The following EYA4 variants were observed in gnomAD, a reference collection of about 807,000 sequenced individuals.
EYA4 encodes protein phosphatase EYA4.
EYA4 carries 31 observed loss-of-function variants against 87.9 expected under a neutral mutation model. The ratio of observed to expected loss-of-function variants is 0.35; its 90% confidence interval spans 0.27 to 0.48. The LOEUF (loss-of-function observed/expected upper bound fraction) is 0.48, where lower values mean the gene tolerates loss of function less well. Among genes scored for constraint, EYA4 ranks in the 20% least tolerant of loss-of-function variants. The pLI, the probability that EYA4 is intolerant of heterozygous loss-of-function variation, is 0.99. For synonymous variants in EYA4, 263 were observed against 270.6 expected, an observed-to-expected ratio of 0.97 and a Z score of 0.28; for missense variants, 678 against 761.4, an observed-to-expected ratio of 0.89 and a Z score of 1.29.
intron 1 of EYA4, among the ~76,000 whole-genome samples, chr6:133,252,531 A>G (rs961413074): frequency 7.2e-5 from 11 of 152,302 alleles, no homozygotes; most frequent in South Asian, 2.1e-4. Flanking sequence ...AATTGATGTA[A>G]GTAAATTTGA....
Position 133,483,107 on chromosome 6 carries a change from T to C in EYA4, c.1183T>C (p.Tyr395His). The stretch of plus-strand genomic sequence containing the variant: ...GCTCACCGGGTCTTATGCACAGAAG[T>C]ATGGCAAGGTAAGAAATCAAGAAAT... ...SLLTGSYAQK[Y>H]GKDPPMAVTL... Residue 395 changes from tyrosine (Y) to histidine (H), a missense_variant, in exon 13 of 20, where the codon TAT becomes CAT. By Grantham distance (83) the Tyr-to-His change is moderately conservative. Coordinates refer to ENST00000355286, the MANE Select transcript of EYA4 (RefSeq NM_004100.5). The C allele has an allele frequency of 2.5e-6, 4 of 1,609,564 alleles. No individual in the cohort carries two copies. The highest frequency in any genetic ancestry group is 2.6e-6 in the Non-Finnish European group (3 of 1,176,242).
chr6:133,499,289 C>T (rs1399141894), intron 13 of EYA4, among the ~76,000 whole-genome samples: 1 of 152,132 alleles, frequency 6.6e-6, no homozygotes, highest in Non-Finnish European at 1.5e-5. Context: ...CCTGAGGAGC[C>T]TCGTGAGGTG....
chr6:133,473,649 C>T (rs886705586), intron 11 of EYA4, among the ~76,000 whole-genome samples: 1 of 151,804 alleles, frequency 6.6e-6, no homozygotes, highest in Admixed American at 6.6e-5. Context: ...GTTTTTTCCC[C>T]TTATCTTCCT....
intron 9 of EYA4, among the ~76,000 whole-genome samples, chr6:133,463,517 C>A (rs1794589030): frequency 6.6e-6 from 1 of 151,910 alleles, no homozygotes; most frequent in Non-Finnish European, 1.5e-5. Context: ...TGCACCACCA[C>A]ACCCAGCTAA....
At chr6:133,296,774 T>G (rs960652526) in intron 2 of EYA4, among the ~76,000 whole-genome samples, 2 of 152,162 alleles carry the variant, frequency 1.3e-5, no homozygotes, top group East Asian at 1.9e-4. Flanking sequence ...ATCATCTATT[T>G]TTTTATTTAT....
chr6:133,492,579 C>T (rs1353795693), intron 13 of EYA4, among the ~76,000 whole-genome samples: 1 of 152,132 alleles, frequency 6.6e-6, no homozygotes, highest in Non-Finnish European at 1.5e-5. Flanking sequence ...CACTGTTATT[C>T]AGCATAGTAC....
rs527250922 is a variant in EYA4 at position 133,370,119 on chromosome 6, A to G, written c.34-12273A>G. On this transcript the variant is annotated intron_variant, in intron 2 of 19. Transcript: ENST00000355286. ...TTTTAAGGCTACCTGGGTGTTGGTT[A>G]GAGACTATAAACCTCTCAGAGCATT... Among the ~76,000 whole-genome samples the G allele has an allele frequency of 1.6e-4, 24 of 152,336 alleles. No homozygotes were observed. In the East Asian group the frequency reaches 4.2e-3, roughly 27 times the overall value.
chr6:133,285,417 A>G (rs988487657), intron 2 of EYA4, among the ~76,000 whole-genome samples: 1 of 152,180 alleles, frequency 6.6e-6, no homozygotes, highest in Non-Finnish European at 1.5e-5. Context: ...GGTAGGTTCA[A>G]GGAATAGAAA....
chr6:133,284,409 T>G (rs141891139), intron 2 of EYA4, among the ~76,000 whole-genome samples: 1 of 152,092 alleles, frequency 6.6e-6, no homozygotes, highest in Non-Finnish European at 1.5e-5. Context: ...CCTGGCCTCA[T>G]GTGATCCACC....
intron 2 of EYA4, among the ~76,000 whole-genome samples, chr6:133,311,762 G>A (rs1355994975): frequency 6.6e-6 from 1 of 152,144 alleles, no homozygotes; most frequent in Non-Finnish European, 1.5e-5. Context: ...GCTCCACGAG[G>A]ACATTCATTA....
chr6:133,439,098 A>G (rs1359618119), intron 3 of EYA4, among the ~76,000 whole-genome samples: 5 of 147,602 alleles, frequency 3.4e-5, no homozygotes, highest in Non-Finnish European at 6.0e-5. Context: ...GGGCGAGTCT[A>G]GTAGAAGATA....
At chr6:133,399,746 C>T (rs545158885) in intron 3 of EYA4, among the ~76,000 whole-genome samples, 1 of 152,264 alleles carries the variant, frequency 6.6e-6, no homozygotes, top group African/African-American at 2.4e-5. Flanking sequence ...CATTTTTTCT[C>T]CTTCACATTA....
intron 2 of EYA4, among the ~76,000 whole-genome samples, chr6:133,337,791 A>T (rs1782486425): frequency 6.6e-6 from 1 of 152,204 alleles, no homozygotes; most frequent in South Asian, 2.1e-4. Flanking sequence ...ATATAAAAAT[A>T]TTATATAAGC....
intron 1 of EYA4, among the ~76,000 whole-genome samples, chr6:133,273,650 T>C (rs1004957730): frequency 2.0e-4 from 31 of 152,238 alleles, no homozygotes; most frequent in African/African-American, 7.2e-4. Flanking sequence ...AAATTGTTTT[T>C]ATTATAATCT....
intron 3 of EYA4, among the ~76,000 whole-genome samples, chr6:133,407,418 A>G (rs1788808291): frequency 1.3e-5 from 2 of 152,070 alleles, no homozygotes; most frequent in East Asian, 1.9e-4. Context: ...ACTCTTTCCA[A>G]ATCACCAGGG....
At position 133,510,130 on chromosome 6, in the gene EYA4, G is replaced by A. The variant is rs181787123; in HGVS notation, c.1282-2591G>A. 2.0e-5 allele frequency among the ~76,000 whole-genome samples: 3 copies of A among 152,146 alleles called. No individual in the cohort carries two copies. In the East Asian group the frequency reaches 5.8e-4, roughly 29 times the overall value. On this transcript the variant is annotated intron_variant, in intron 14 of 19. Transcript: ENST00000355286. The stretch of plus-strand genomic sequence containing the variant: ...CTCAGGAGTAAAAGATAAGTTTTTG[G>A]GCAACCTATGTACAAATTAATCATG...
In EYA4 at chr6:133,483,017, A is replaced by AT. The variant is rs753585884; in HGVS notation, c.1108-9dup. 4 of 1,607,304 alleles carry AT rather than the reference A, an allele frequency of 2.5e-6. No homozygotes were observed. Among genetic ancestry groups the AT allele is most frequent in the Admixed American group, 1.7e-5 (1 of 59,938 alleles). On this transcript the variant is annotated splice_polypyrimidine_tract_variant and intron_variant, in intron 12 of 19. Coordinates refer to ENST00000355286, the MANE Select transcript of EYA4 (RefSeq NM_004100.5). ...TGGACTTTTTAATTTTCTGATATTT[A>AT]TTTTTTGTCTTCAGCGTGTGTTTGT... is the stretch of plus-strand genomic sequence containing the variant.
At chr6:133,489,792 T>A (rs1455875150) in intron 13 of EYA4, among the ~76,000 whole-genome samples, 1 of 152,142 alleles carries the variant, frequency 6.6e-6, no homozygotes, top group Non-Finnish European at 1.5e-5. Flanking sequence ...AAAGGGATGT[T>A]AATGAGCAGT....
At chr6:133,514,020 G>A (rs1799386054) in intron 16 of EYA4, among the ~76,000 whole-genome samples, 1 of 152,040 alleles carries the variant, frequency 6.6e-6, no homozygotes, top group Admixed American at 6.6e-5. Flanking sequence ...TGGTCACCTT[G>A]TATCCCCAGT....
Sources: allele counts gnomAD v4.1 joint callset (sites outside exome capture counted in the v4.1 genomes callset), GRCh38; gene constraint gnomAD v4.1.1; transcripts MANE v1.5; gene names NCBI Gene and HGNC (gene_info 2026-07-23, HGNC 2026-07-21).